Variants in PKD1L3 observed in about 807,000 individuals in gnomAD.
The protein encoded by PKD1L3 is polycystin 1 like 3, transient receptor potential channel interacting.
PKD1L3 carries 239 observed loss-of-function variants against 184.1 expected under a neutral mutation model. The ratio of observed to expected loss-of-function variants is 1.30; its 90% CI spans 1.17 to 1.45. PKD1L3 has a LOEUF of 1.45. Ranked by LOEUF, PKD1L3 falls within the 40% of genes most tolerant of loss-of-function variation. PKD1L3 has a pLI of 0.00. For synonymous variants in PKD1L3, 996 were observed against 778.8 expected (o/e 1.28, Z -4.64); for missense variants, 2,660 against 2,067.2 (o/e 1.29, Z -5.56).
In PKD1L3 at chr16:71,942,685, G is replaced by A; in HGVS notation, c.4199C>T (p.Pro1400Leu). 1.3e-6 allele frequency: 2 copies of A among 1,551,708 alleles called. No individual in the cohort carries two copies. The highest frequency in any genetic ancestry group is 1.7e-6 in the Non-Finnish European group (2 of 1,147,004). The change falls in exon 24 of 30, where the codon CCT becomes CTT. Residue 1400 changes from proline (P) to leucine (L), a missense_variant. Transcript: ENST00000620267. ...ACTGAACCTCCTTAGATGAAGTCCA[G>A]GGAATAGGCTCTTGGGACGCCCACA... ...HTCGRPKSLFPGLHLRRFSYI... is the reference protein window; with the variant it reads ...HTCGRPKSLFLGLHLRRFSYI...
intron 28 of PKD1L3, among the ~76,000 whole-genome samples, chr16:71,932,538 A>G (rs2038013592): frequency 1.3e-5 from 2 of 151,956 alleles, no homozygotes; most frequent in African/African-American, 4.8e-5. Flanking sequence ...CAGTGGCACA[A>G]TCTCAGCTCA....
chr16:71,980,944 C>A (rs998375741), intron 7 of PKD1L3, among the ~76,000 whole-genome samples: 1 of 152,200 alleles, frequency 6.6e-6, no homozygotes, highest in African/African-American at 2.4e-5. Flanking sequence ...TACAGATTTG[C>A]CTCTTTGGGA....
In PKD1L3 at chr16:72,000,042, T is replaced by C. The variant is rs1337476619; in HGVS notation, c.-64A>G. The C allele has an allele frequency of 3.2e-6, 4 of 1,257,192 alleles. No homozygotes were observed. Among genetic ancestry groups the C allele is most frequent in the South Asian group, 1.8e-5 (1 of 56,776 alleles). 77.9% of individuals were successfully genotyped at this position (1,257,192 alleles called of 1,614,324 possible). On this transcript the variant is annotated 5_prime_UTR_variant, in exon 1 of 30. It adds an upstream start codon to the 5' untranslated region. Coordinates refer to ENST00000620267, the MANE Select transcript of PKD1L3 (RefSeq NM_181536.2). ...GCAGCTGCCTGGTCCTTTAAATATA[T>C]ATATTGGCGGGCTTGTCTTATTAGT...
At chr16:71,965,668 C>T (rs1266716905) in intron 15 of PKD1L3, among the ~76,000 whole-genome samples, 1 of 151,892 alleles carries the variant, frequency 6.6e-6, no homozygotes, top group Middle Eastern at 3.2e-3. Context: ...ATTCTCCTGC[C>T]TCGGTCTCTC....
At position 71,951,665 on chromosome 16, in the gene PKD1L3, G is replaced by T. The variant is rs1411704764; in HGVS notation, c.3089C>A (p.Ser1030Tyr). Reference protein sequence around the residue: ...LSKCEQPPWSSWDITKLVKLL... With the variant: ...LSKCEQPPWSYWDITKLVKLL... Reference sequence around the variant, plus strand: ...TTTCACCAGCTTAGTAATGTCCCAAGAACTCCATGGCGGCTGCTCACACTT... The same window carrying T: ...TTTCACCAGCTTAGTAATGTCCCAATAACTCCATGGCGGCTGCTCACACTT... The change falls in exon 19 of 30, where the codon TCT becomes TAT. Residue 1030 changes from serine to tyrosine, a missense_variant. By Grantham distance (144) the Ser-to-Tyr change is moderately radical. Coordinates refer to ENST00000620267, the MANE Select transcript of PKD1L3 (RefSeq NM_181536.2). The T allele has an allele frequency of 6.4e-7, 1 of 1,551,566 alleles. No individual in the cohort carries two copies. Among genetic ancestry groups the T allele is most frequent in the Non-Finnish European group, 8.7e-7 (1 of 1,146,968 alleles).
At position 71,973,466 on chromosome 16, in the gene PKD1L3, C is replaced by T. The variant is rs1039010742; in HGVS notation, c.1811G>A (p.Gly604Asp). The change falls in exon 12 of 30, where the codon GGC becomes GAC. Residue 604 changes from glycine to aspartate, a missense_variant. By Grantham distance (94) the Gly-to-Asp change is moderately conservative. Transcript: ENST00000620267. ...CAGCACAGCTGTTATATAGTAGGTG[C>T]CAATCCCGTGCTGCAGATGCTCTGG... ...LNPEHLQHGI[G>D]TYYITAVLSE... The T allele has an allele frequency of 3.2e-6, 5 of 1,551,838 alleles. No homozygotes were observed. The highest frequency in any genetic ancestry group is 1.2e-5 in the South Asian group (1 of 84,058).
At chr16:71,952,520 G>A (rs983558791) in intron 18 of PKD1L3, among the ~76,000 whole-genome samples, 5 of 147,372 alleles carry the variant, frequency 3.4e-5, no homozygotes, top group African/African-American at 1.2e-4. Context: ...TGCCCAGCTG[G>A]GAGCACGTAA....
In PKD1L3 at chr16:71,967,426, G is replaced by A. The variant is rs7205150; in HGVS notation, c.2287-111C>T. On this transcript the variant is annotated intron_variant, in intron 14 of 29. Transcript: ENST00000620267. Reference sequence around the variant, plus strand: ...GAAAACTATTTAGATCAAGTCTTTCGGATCTTAGACAAGCATAGATAATTC... The same window carrying A: ...GAAAACTATTTAGATCAAGTCTTTCAGATCTTAGACAAGCATAGATAATTC... 304 of 1,066,834 alleles carry A rather than the reference G, an allele frequency of 2.8e-4. 1 individual carries two copies. In the African/African-American group the frequency reaches 4.0e-3, roughly 14 times the overall value. The allele number at this position is 1,066,834 out of a possible 1,614,324, so 66.1% of individuals were successfully genotyped here.
At chr16:71,983,769 T>G (rs1454584393) in intron 6 of PKD1L3, among the ~76,000 whole-genome samples, 1 of 146,848 alleles carries the variant, frequency 6.8e-6, no homozygotes, top group Non-Finnish European at 1.5e-5. Flanking sequence ...GTTCAAGTGA[T>G]TATTGTGCCT....
chr16:71,942,562 C>T lies in PKD1L3; in HGVS notation c.4322G>A (p.Arg1441Lys), dbSNP rs1567494355. Reference protein sequence around the residue: ...KNENGFSYIMRGAFFTSLRLE... With the variant: ...KNENGFSYIMKGAFFTSLRLE... Reference sequence around the variant, plus strand: ...ATTCCAGGGGTCACTCCAGTTACCTCTCATGATGTAACTGAATCCATTCTC... The same window carrying T: ...ATTCCAGGGGTCACTCCAGTTACCTTTCATGATGTAACTGAATCCATTCTC... Residue 1441 changes from arginine to lysine, a missense_variant and splice_region_variant, in exon 24 of 30, where the codon AGA (arginine) becomes AAA (lysine). Coordinates refer to ENST00000620267, the MANE Select transcript of PKD1L3 (RefSeq NM_181536.2). 5 of 1,550,592 alleles carry T rather than the reference C, an allele frequency of 3.2e-6. No individual in the cohort carries two copies. The highest frequency in any genetic ancestry group is 3.5e-6 in the Non-Finnish European group (4 of 1,146,220).
At chr16:71,970,676 C>T (rs539822468) in intron 12 of PKD1L3, among the ~76,000 whole-genome samples, 7 of 152,148 alleles carry the variant, frequency 4.6e-5, no homozygotes, top group East Asian at 1.9e-4. Flanking sequence ...GGCTTGGAGG[C>T]GCATGCCTGT....
chr16:71,987,313 T>A (rs1358711548), intron 4 of PKD1L3, among the ~76,000 whole-genome samples: 1 of 151,868 alleles, frequency 6.6e-6, no homozygotes, highest in Non-Finnish European at 1.5e-5. Flanking sequence ...CTTGACCTCC[T>A]GGGTTCAGGT....
intron 17 of PKD1L3, among the ~76,000 whole-genome samples, chr16:71,953,698 A>G (rs2038937127): frequency 6.6e-6 from 1 of 152,052 alleles, no homozygotes; most frequent in African/African-American, 2.4e-5. Flanking sequence ...GGTTTAAGCA[A>G]TTCAACCATC....
intron 10 of PKD1L3, 95 bp from the exon 11 acceptor site, chr16:71,977,562 T>TCATC (rs59253077): frequency 1.7e-5 from 11 of 631,378 alleles, no homozygotes; most frequent in Admixed American, 4.0e-5. Context: ...TCCTAGCTCT[T>TCATC]TTTTTTTTTT....
chr16:71,982,052 C>T lies in PKD1L3; in HGVS notation c.1143+7G>A, dbSNP rs1338687956. On this transcript the variant is annotated splice_region_variant and intron_variant, in intron 7 of 29. Transcript: ENST00000620267. ...CAGATCTGGCCACCTGCATATCTGG[C>T]ACCTACCGGCTCAGTATGACGCTTG... 6.5e-7 allele frequency: 1 copy of T among 1,537,012 alleles called. No homozygotes were observed. Among genetic ancestry groups the T allele is most frequent in the East Asian group, 2.5e-5 (1 of 40,786 alleles).
Position 71,949,916 on chromosome 16 carries a change from C to T in PKD1L3, c.3485G>A (p.Gly1162Asp), listed in dbSNP as rs2038763629. The change falls in exon 21 of 30, where the codon GGT becomes GAT. Residue 1162 changes from glycine (G) to aspartate (D), a missense_variant. Physicochemically the swap from Gly to Asp is moderately conservative, Grantham distance 94. Coordinates refer to ENST00000620267, the MANE Select transcript of PKD1L3 (RefSeq NM_181536.2). ...AAAGGCTGAAGCCAGGCTAGTGAAACCTAAGAGGAGCCAGCAGACTGAAGT... is the reference window on the plus strand; with the variant it reads ...AAAGGCTGAAGCCAGGCTAGTGAAATCTAAGAGGAGCCAGCAGACTGAAGT... ...WLTSVCWLLLGFTSLASAFFT... is the reference protein window; with the variant it reads ...WLTSVCWLLLDFTSLASAFFT... 3.2e-6 allele frequency: 5 copies of T among 1,551,558 alleles called. No homozygotes were observed. The highest frequency in any genetic ancestry group is 2.0e-5 in the Admixed American group (1 of 50,974).
At chr16:71,988,546 C>A (rs983305018) in intron 4 of PKD1L3, among the ~76,000 whole-genome samples, 2 of 152,072 alleles carry the variant, frequency 1.3e-5, no homozygotes, top group Non-Finnish European at 2.9e-5. Flanking sequence ...ATGTGGTGAT[C>A]GTGGTGACCA....
At chr16:71,993,081 G>T in intron 3 of PKD1L3, 135 bp downstream of exon 3, 1 of 587,634 alleles carries the variant, frequency 1.7e-6, no homozygotes, top group Non-Finnish European at 2.8e-6. Context: ...GCCATATTAA[G>T]ATCAGACAGA....
rs7197967 is a variant in PKD1L3, at chr16:71,973,333, G to A, written c.1944C>T (p.Ala648=). The change falls in exon 12 of 30, where the codon GCC becomes GCT. Residue 648 remains alanine, a synonymous_variant. Coordinates refer to ENST00000620267, the MANE Select transcript of PKD1L3 (RefSeq NM_181536.2). Reference sequence around the variant, plus strand: ...CGGCTCAGTTTCTTACTTGGCATCCGGCGCTGCTCCATGTCTGGTTGTGGA... The same window carrying A: ...CGGCTCAGTTTCTTACTTGGCATCCAGCGCTGCTCCATGTCTGGTTGTGGA... ...WEIHNQTWSS[A]GCQVGPQSTI... is the part of the protein sequence containing the mutation. 0.17 allele frequency: 270,774 copies of A among 1,551,228 alleles called. 27,719 individuals are homozygous for A. Among genetic ancestry groups the A allele is most frequent in the African/African-American group, 0.38 (27,761 of 73,050 alleles).
Sources: allele counts gnomAD v4.1 joint callset (sites outside exome capture counted in the v4.1 genomes callset), GRCh38; gene constraint gnomAD v4.1.1; transcripts MANE v1.5; gene names NCBI Gene and HGNC (gene_info 2026-07-23, HGNC 2026-07-21).